The following TMCC1 variants were observed in gnomAD, a reference collection of about 807,000 sequenced individuals.
TMCC1 encodes the protein transmembrane and coiled-coil domain family 1.
In TMCC1, 15 loss-of-function variants were observed where a neutral mutation model predicts 52.4. That is an observed-to-expected ratio of 0.29 (90% CI 0.19 to 0.44). TMCC1 has a LOEUF of 0.44. Ranked by LOEUF, TMCC1 falls within the 20% of genes least tolerant of loss-of-function variation. The pLI, the probability that TMCC1 is intolerant of heterozygous loss-of-function variation, is 1.00. For synonymous variants in TMCC1, 279 were observed against 301.9 expected, an observed-to-expected ratio of 0.92 and a Z score of 0.79; for missense variants, 503 against 806.0, an observed-to-expected ratio of 0.62 and a Z score of 4.55.
At position 129,827,790 on chromosome 3, in the gene TMCC1, C is replaced by G; in HGVS notation, c.576+13G>C. The stretch of plus-strand genomic sequence containing the variant: ...CAGTAAGTTAACAGAAAAACAAAAT[C>G]TTACAAACTTACCCGCTCCGCAGTT... On this transcript the variant is annotated intron_variant, in intron 4 of 6. Transcript: ENST00000393238. 1 of 1,605,980 alleles carries G rather than the reference C, an allele frequency of 6.2e-7. No homozygotes were observed. Among genetic ancestry groups the G allele is most frequent in the Non-Finnish European group, 8.5e-7 (1 of 1,173,758 alleles).
intron 4 of TMCC1, among the ~76,000 whole-genome samples, chr3:129,703,957 T>C (rs1042259546): frequency 1.3e-5 from 2 of 152,134 alleles, no homozygotes; most frequent in African/African-American, 4.8e-5. Context: ...AGAAGAGACG[T>C]GAGACCAGAG....
chr3:129,742,882 C>T (rs537527746), intron 4 of TMCC1, among the ~76,000 whole-genome samples: 1 of 152,182 alleles, frequency 6.6e-6, no homozygotes. Context: ...ATAAAAGTAG[C>T]CAGATCTGAA....
intron 4 of TMCC1, among the ~76,000 whole-genome samples, chr3:129,776,783 C>G (rs2055071375): frequency 6.6e-6 from 1 of 152,116 alleles, no homozygotes; most frequent in Non-Finnish European, 1.5e-5. Flanking sequence ...GTAGTAGTCA[C>G]CATGCCTAGC....
chr3:129,696,136 T>C (rs1240505602), intron 4 of TMCC1, among the ~76,000 whole-genome samples: 1 of 152,236 alleles, frequency 6.6e-6, no homozygotes, highest in Non-Finnish European at 1.5e-5. Flanking sequence ...ACTGAGAGTC[T>C]AGCACCTTTT....
chr3:129,708,023 A>G (rs2048374863), intron 4 of TMCC1, among the ~76,000 whole-genome samples: 1 of 152,238 alleles, frequency 6.6e-6, no homozygotes. Context: ...GAGAAAAAAA[A>G]AGTCCTAATT....
chr3:129,652,483 G>C (rs986597387), intron 6 of TMCC1, among the ~76,000 whole-genome samples: 3 of 152,122 alleles, frequency 2.0e-5, no homozygotes, highest in African/African-American at 7.2e-5. Context: ...TGTGAAAATA[G>C]AGATCATAAG....
chr3:129,770,195 A>C (rs546599588), intron 4 of TMCC1, among the ~76,000 whole-genome samples: 12 of 152,250 alleles, frequency 7.9e-5, no homozygotes, highest in Middle Eastern at 3.4e-3. Flanking sequence ...AAAAATTCTA[A>C]CTATACGTAT....
intron 4 of TMCC1, among the ~76,000 whole-genome samples, chr3:129,785,560 TACACAC>T (rs10656814): frequency 1.3e-4 from 19 of 146,166 alleles, no homozygotes; most frequent in South Asian, 4.4e-4. Context: ...TCAATATACA[TACACAC>T]ACACACACAC....
At chr3:129,857,971 C>T (rs1221916492) in intron 2 of TMCC1, among the ~76,000 whole-genome samples, 1 of 152,232 alleles carries the variant, frequency 6.6e-6, no homozygotes, top group Non-Finnish European at 1.5e-5. Context: ...CCCTAAATGG[C>T]ATGCTGAAGG....
At chr3:129,687,181 A>G (rs1006646068) in intron 4 of TMCC1, among the ~76,000 whole-genome samples, 1 of 152,210 alleles carries the variant, frequency 6.6e-6, no homozygotes, top group Non-Finnish European at 1.5e-5. Flanking sequence ...TCAGGTGTCA[A>G]TGGATCTCTT....
chr3:129,707,372 T>A (rs1403802792), intron 4 of TMCC1, among the ~76,000 whole-genome samples: 2 of 152,240 alleles, frequency 1.3e-5, no homozygotes, highest in Admixed American at 6.5e-5. Flanking sequence ...TACCCATGGT[T>A]AAATTTATTA....
intron 4 of TMCC1, among the ~76,000 whole-genome samples, chr3:129,757,133 C>T (rs1052547589): frequency 2.6e-5 from 4 of 152,136 alleles, no homozygotes; most frequent in African/African-American, 7.2e-5. Context: ...ACAGTCAACA[C>T]CAGAGTCATA....
chr3:129,754,536 T>C (rs958658526), intron 4 of TMCC1, among the ~76,000 whole-genome samples: 1 of 152,076 alleles, frequency 6.6e-6, no homozygotes, highest in African/African-American at 2.4e-5. Flanking sequence ...TGGAATACAA[T>C]AGAGAGTCTT....
At chr3:129,675,269 C>G (rs1262125007) in intron 4 of TMCC1, among the ~76,000 whole-genome samples, 1 of 152,216 alleles carries the variant, frequency 6.6e-6, no homozygotes, top group African/African-American at 2.4e-5. Flanking sequence ...AGGCACAAAT[C>G]CAACAAACAA....
At chr3:129,770,869 G>A (rs1023328228) in intron 4 of TMCC1, among the ~76,000 whole-genome samples, 1 of 152,070 alleles carries the variant, frequency 6.6e-6, no homozygotes, top group African/African-American at 2.4e-5. Context: ...AGTACAGTTA[G>A]GTTAAAATGA....
chr3:129,778,924 A>G (rs2055282800), intron 4 of TMCC1, among the ~76,000 whole-genome samples: 2 of 152,188 alleles, frequency 1.3e-5, no homozygotes, highest in Non-Finnish European at 2.9e-5. Context: ...TCTTTATAGT[A>G]GCATGAGAAC....
intron 2 of TMCC1, among the ~76,000 whole-genome samples, chr3:129,868,391 A>G (rs2060754762): frequency 1.3e-5 from 2 of 152,210 alleles, no homozygotes; most frequent in Admixed American, 6.5e-5. Context: ...AAAAGAAACA[A>G]TACTGGAATT....
At chr3:129,730,145 A>T (rs1418592695) in intron 4 of TMCC1, among the ~76,000 whole-genome samples, 1 of 152,168 alleles carries the variant, frequency 6.6e-6, no homozygotes, top group Non-Finnish European at 1.5e-5. Flanking sequence ...AACCATTTTA[A>T]GTCAGGAACC....
intron 4 of TMCC1, among the ~76,000 whole-genome samples, chr3:129,817,562 G>A (rs989958838): frequency 3.9e-5 from 6 of 152,162 alleles, no homozygotes; most frequent in Non-Finnish European, 7.4e-5. Flanking sequence ...TTGCTAACAA[G>A]AATTTCTTCC....
Sources: gnomAD v4.1 joint callset for allele counts (sites outside exome capture counted in the v4.1 genomes callset) on GRCh38, gnomAD v4.1.1 for gene constraint, MANE v1.5 for transcripts, NCBI Gene and HGNC (gene_info 2026-07-23, HGNC 2026-07-21) for gene names.